XPO6: variants seen among roughly 807,000 people sequenced by gnomAD.
XPO6 encodes the protein exportin-6.
XPO6 carries 3 observed loss-of-function variants against 130.0 expected under a neutral mutation model. That is an observed-to-expected ratio of 0.02 (90% CI 0.01 to 0.06). XPO6 has a LOEUF of 0.06. Ranked by LOEUF, XPO6 falls within the 10% of genes least tolerant of loss-of-function variation. The probability of loss-of-function intolerance (pLI) is 1.00; values close to 1 mark genes in which losing one functional copy is unlikely to be tolerated. For missense variants in XPO6, 970 were observed against 1,393.0 expected (o/e 0.70, Z 4.83); for synonymous variants, 524 against 548.9 (o/e 0.95, Z 0.63).
At chr16:28,127,220 T>C (rs1387680486) in intron 12 of XPO6, among the ~76,000 whole-genome samples, 2 of 152,182 alleles carry the variant, frequency 1.3e-5, no homozygotes, top group African/African-American at 4.8e-5. Context: ...TCTCTGTGCC[T>C]CTGCCTAGAC....
intron 11 of XPO6, among the ~76,000 whole-genome samples, chr16:28,133,087 C>T (rs2042706309): frequency 6.6e-6 from 1 of 152,214 alleles, no homozygotes; most frequent in Admixed American, 6.5e-5. Context: ...CTGTAAATCC[C>T]AGCACTCTGG....
chr16:28,189,120 A>AT (rs1396875232), intron 1 of XPO6, among the ~76,000 whole-genome samples: 2 of 151,730 alleles, frequency 1.3e-5, no homozygotes, highest in Non-Finnish European at 2.9e-5. Flanking sequence ...TGATTTTTGT[A>AT]TTTTTTGTAG....
intron 4 of XPO6, among the ~76,000 whole-genome samples, chr16:28,172,259 C>T (rs1398325541): frequency 6.6e-6 from 1 of 152,138 alleles, no homozygotes; most frequent in Non-Finnish European, 1.5e-5. Context: ...CTCCCTTTAC[C>T]ATCTTCACAT....
intron 9 of XPO6, among the ~76,000 whole-genome samples, chr16:28,143,732 G>A (rs1178416130): frequency 1.3e-5 from 2 of 152,016 alleles, no homozygotes; most frequent in African/African-American, 4.8e-5. Context: ...TGCCACCCGG[G>A]TTCAGGAGAT....
intron 4 of XPO6, among the ~76,000 whole-genome samples, chr16:28,170,381 T>C (rs2043431250): frequency 6.6e-6 from 1 of 151,002 alleles, no homozygotes; most frequent in Non-Finnish European, 1.5e-5. Flanking sequence ...TTTAGGTAGC[T>C]CTTTTTAACC....
intron 6 of XPO6, among the ~76,000 whole-genome samples, chr16:28,160,992 T>G (rs2043269625): frequency 6.6e-6 from 1 of 152,214 alleles, no homozygotes; most frequent in South Asian, 2.1e-4. Flanking sequence ...CCCAACTGCT[T>G]CTGCCTTCAC....
At chr16:28,133,120 G>A (rs1298932408) in intron 11 of XPO6, among the ~76,000 whole-genome samples, 4 of 152,196 alleles carry the variant, frequency 2.6e-5, no homozygotes, top group Non-Finnish European at 5.9e-5. Context: ...GGCAGACGAC[G>A]AGGTCAGGAG....
chr16:28,102,044 T>C (rs1183682599), intron 21 of XPO6, 99 bp from the exon 22 acceptor site: 11 of 946,054 alleles, frequency 1.2e-5, no homozygotes, highest in East Asian at 5.1e-5. Context: ...AGGGTACCCA[T>C]TGTCTTGATG....
intron 7 of XPO6, among the ~76,000 whole-genome samples, chr16:28,155,280 AT>A (rs2043165445): frequency 6.6e-6 from 1 of 152,184 alleles, no homozygotes; most frequent in South Asian, 2.1e-4. Context: ...GATACGATTT[AT>A]TGCTTGAAAG....
chr16:28,106,471 A>G lies in XPO6; in HGVS notation c.2524T>C (p.Phe842Leu), dbSNP rs371335942. Reference sequence around the variant, plus strand: ...CTAAGGCCTCGAAACAGAGTGAGGAAGAAGCTCAGCATCTCATCAGTCACA... The same window carrying G: ...CTAAGGCCTCGAAACAGAGTGAGGAGGAAGCTCAGCATCTCATCAGTCACA... ...SDVTDEMLSF[F>L]LTLFRGLRVQ... Residue 842 changes from phenylalanine to leucine, a missense_variant, in exon 19 of 24, where the codon TTC becomes CTC. Physicochemically the swap from Phe to Leu is conservative, Grantham distance 22. This residue lies in a region of XPO6 where 936 missense variants were observed against 1,306.8 expected (regional missense o/e 0.72). Coordinates refer to ENST00000304658, the MANE Select transcript of XPO6 (RefSeq NM_015171.4). This position sits in a 1 kb window ranked among gnomAD's most constrained non-coding sequence, Gnocchi z 4.2. The G allele has an allele frequency of 6.2e-7, 1 of 1,614,192 alleles. No homozygotes were observed. The highest frequency in any genetic ancestry group is 1.3e-5 in the African/African-American group (1 of 75,050).
In XPO6 at chr16:28,152,763, A is replaced by T; in HGVS notation, c.1120T>A (p.Phe374Ile). 1 of 1,613,358 alleles carries T rather than the reference A, an allele frequency of 6.2e-7. No homozygotes were observed. Among genetic ancestry groups the T allele is most frequent in the East Asian group, 2.2e-5 (1 of 44,846 alleles). ...DESYIEKFTD[F>I]LRLFVSVHLR... ...TGAACACTCACAAAGAGCCGAAGAA[A>T]GTCAGTAAACTTCTCGATATAGCTA... The change falls in exon 8 of 24, where the codon TTT (phenylalanine) becomes ATT (isoleucine). Residue 374 changes from phenylalanine (F) to isoleucine (I), a missense_variant. Transcript: ENST00000304658.
At chr16:28,120,185 T>TC (rs1197847368) in intron 14 of XPO6, among the ~76,000 whole-genome samples, 24 of 152,180 alleles carry the variant, frequency 1.6e-4, no homozygotes, top group African/African-American at 5.3e-4. Context: ...ATAATAATAA[T>TC]AATCATCATC....
rs1338646195 is a variant in XPO6, at chr16:28,132,589, T to C, written c.1537-186A>G. ...CCTTCAGTGCCCCCCAACTAGTTTC[T>C]ATAATTGAAACCGCCAATTAATACA... On this transcript the variant is annotated intron_variant, in intron 11 of 23. Coordinates refer to ENST00000304658, the MANE Select transcript of XPO6 (RefSeq NM_015171.4). The surrounding 1 kb of genome is among the most constrained non-coding windows in gnomAD (Gnocchi z 4.0). 2.0e-5 allele frequency among the ~76,000 whole-genome samples: 3 copies of C among 151,002 alleles called. No homozygotes were observed. The highest frequency in any genetic ancestry group is 4.4e-5 in the Non-Finnish European group (3 of 67,860).
intron 13 of XPO6, among the ~76,000 whole-genome samples, chr16:28,122,785 T>TA (rs1017689996): frequency 5.3e-5 from 8 of 151,918 alleles, no homozygotes; most frequent in Admixed American, 2.0e-4. Context: ...TGATACATAA[T>TA]AAAAAAAATA....
intron 1 of XPO6, among the ~76,000 whole-genome samples, chr16:28,209,874 C>T (rs901937502): frequency 6.6e-5 from 10 of 152,120 alleles, no homozygotes; most frequent in Non-Finnish European, 1.5e-5. Context: ...CACGGTGGCT[C>T]ACGCCTGTAA....
intron 1 of XPO6, among the ~76,000 whole-genome samples, chr16:28,190,863 CAT>C (rs1237057244): frequency 6.0e-5 from 9 of 151,010 alleles, no homozygotes; most frequent in African/African-American, 2.2e-4. Context: ...CATGTACATG[CAT>C]ATATGTCTAT....
Position 28,101,318 on chromosome 16 carries a change from A to G in XPO6, c.3276+140T>C. ...AGGCTACAGCACCAGGTCAGCAGGC[A>G]TCTCGTGAGCTGCCGCCAAGCTGCA... is the stretch of plus-strand genomic sequence containing the variant. On this transcript the variant is annotated intron_variant, in intron 23 of 23. Transcript: ENST00000304658. This position sits in a 1 kb window ranked among gnomAD's most constrained non-coding sequence, Gnocchi z 5.4. 1 of 741,806 alleles carries G rather than the reference A, an allele frequency of 1.3e-6. No individual in the cohort carries two copies. The highest frequency in any genetic ancestry group is 1.5e-5 in the South Asian group (1 of 67,962). The allele number at this position is 741,806 out of a possible 1,614,324, so 46.0% of individuals were successfully genotyped here.
chr16:28,143,657 T>C (rs1244138951), intron 9 of XPO6, among the ~76,000 whole-genome samples: 1 of 152,216 alleles, frequency 6.6e-6, no homozygotes, highest in Non-Finnish European at 1.5e-5. Flanking sequence ...TTTGTTTTTT[T>C]AAACAGTCTC....
intron 1 of XPO6, among the ~76,000 whole-genome samples, chr16:28,187,777 C>T (rs184195272): frequency 2.0e-5 from 3 of 151,258 alleles, no homozygotes. Context: ...AACAAGAAAA[C>T]TGTTGGTATC....
Sources: allele counts gnomAD v4.1 joint callset (sites outside exome capture counted in the v4.1 genomes callset), GRCh38; gene constraint gnomAD v4.1.1; regional missense constraint gnomAD v4.1.1; non-coding constraint Gnocchi (gnomAD v3.1); transcripts MANE v1.5; gene names NCBI Gene and HGNC (gene_info 2026-07-23, HGNC 2026-07-21).